The following FBXL17 variants were observed in gnomAD, a reference collection of about 807,000 sequenced individuals.
FBXL17 encodes F-box/LRR-repeat protein 17.
Under a neutral mutation model 66.2 loss-of-function variants are expected in FBXL17, and 22 were observed. The observed-to-expected ratio is 0.33, with a 90% confidence interval of 0.24 to 0.47. The LOEUF (loss-of-function observed/expected upper bound fraction) is 0.47. Ranked by LOEUF, FBXL17 falls within the 20% of genes least tolerant of loss-of-function variation. The probability of loss-of-function intolerance (pLI) is 1.00; values close to 1 mark genes in which losing one functional copy is unlikely to be tolerated. For missense variants in FBXL17, 878 were observed against 948.2 expected (o/e 0.93, Z 0.97); for synonymous variants, 474 against 400.5 (o/e 1.18, Z -2.19).
chr5:108,327,427 A>G (rs938094588), intron 4 of FBXL17, among the ~76,000 whole-genome samples: 1 of 152,232 alleles, frequency 6.6e-6, no homozygotes, highest in African/African-American at 2.4e-5. Flanking sequence ...TACAGATTAT[A>G]TGATGTAGTT....
chr5:108,335,342 T>TA lies in FBXL17; in HGVS notation c.1506+13056dup, dbSNP rs1036576802. Among the ~76,000 whole-genome samples the TA allele has an allele frequency of 3.1e-3, 436 of 140,928 alleles. 3 individuals are homozygous for TA. The highest frequency in any genetic ancestry group is 9.6e-3 in the African/African-American group (370 of 38,604). 92.5% of individuals were successfully genotyped at this position (140,928 alleles called of 152,430 possible). ...ACTTTTAAGGTTAAGACAGTATCTTTAAAAAAAAAAAATACGTTTTTTTTT... is the reference window on the plus strand; with the variant it reads ...ACTTTTAAGGTTAAGACAGTATCTTTAAAAAAAAAAAAATACGTTTTTTTTT... On this transcript the variant is annotated intron_variant, in intron 4 of 8. Transcript: ENST00000542267.
intron 4 of FBXL17, among the ~76,000 whole-genome samples, chr5:108,329,954 C>T (rs1324366045): frequency 6.6e-6 from 1 of 151,956 alleles, no homozygotes; most frequent in African/African-American, 2.4e-5. Context: ...TTAAAAGTTA[C>T]TATAAAATCA....
intron 6 of FBXL17, among the ~76,000 whole-genome samples, chr5:108,121,221 G>A (rs1202565764): frequency 2.0e-5 from 3 of 151,656 alleles, no homozygotes; most frequent in Admixed American, 6.6e-5. Flanking sequence ...CCAGCTACTC[G>A]GGAGGCTGAG....
chr5:108,231,561 G>C (rs1755341905), intron 4 of FBXL17, among the ~76,000 whole-genome samples: 1 of 152,136 alleles, frequency 6.6e-6, no homozygotes, highest in Non-Finnish European at 1.5e-5. Context: ...TGTGCTTCCT[G>C]TTCCCGCAAC....
chr5:108,160,477 T>C (rs1002717615), intron 6 of FBXL17, among the ~76,000 whole-genome samples: 2 of 152,184 alleles, frequency 1.3e-5, no homozygotes, highest in Non-Finnish European at 2.9e-5. Flanking sequence ...AGTTCTCAGT[T>C]AGTAGCTTTG....
intron 7 of FBXL17, among the ~76,000 whole-genome samples, chr5:107,924,040 A>T (rs1446281209): frequency 6.7e-6 from 1 of 150,118 alleles, no homozygotes; most frequent in Non-Finnish European, 1.5e-5. Flanking sequence ...CTGCCTAAAG[A>T]AGTGGCATAT....
chr5:108,099,843 T>C (rs542763425), intron 6 of FBXL17, among the ~76,000 whole-genome samples: 1 of 152,346 alleles, frequency 6.6e-6, no homozygotes, highest in East Asian at 1.9e-4. Flanking sequence ...TCTTTCATTC[T>C]CTTAACTGAC....
intron 7 of FBXL17, among the ~76,000 whole-genome samples, chr5:107,964,252 G>A (rs150588167): frequency 9.0e-4 from 137 of 152,148 alleles, no homozygotes; most frequent in Admixed American, 2.0e-3. Flanking sequence ...GCTTTCATGT[G>A]GTGAGCTGGC....
chr5:108,068,675 T>C (rs1748212621), intron 6 of FBXL17, among the ~76,000 whole-genome samples: 1 of 152,092 alleles, frequency 6.6e-6, no homozygotes, highest in African/African-American at 2.4e-5. Flanking sequence ...GCCAGGATGG[T>C]CTCGATCTCC....
chr5:108,183,645 T>C (rs555201687), intron 6 of FBXL17, among the ~76,000 whole-genome samples: 3 of 152,256 alleles, frequency 2.0e-5, no homozygotes, highest in African/African-American at 4.8e-5. Flanking sequence ...TGGTGAGGTA[T>C]AGGATTTTGG....
intron 6 of FBXL17, among the ~76,000 whole-genome samples, chr5:108,097,745 T>C (rs286818): frequency 1.3e-5 from 2 of 148,914 alleles, no homozygotes; most frequent in East Asian, 2.0e-4. Context: ...GAAAAGATCA[T>C]GCCACCGTAC....
At chr5:107,941,206 G>T (rs766868054) in intron 7 of FBXL17, among the ~76,000 whole-genome samples, 6 of 152,080 alleles carry the variant, frequency 3.9e-5, no homozygotes, top group Admixed American at 6.6e-5. Context: ...GTGCTGAAGG[G>T]TTAAGATACA....
At chr5:108,038,537 C>G (rs1746934124) in intron 6 of FBXL17, among the ~76,000 whole-genome samples, 1 of 151,932 alleles carries the variant, frequency 6.6e-6, no homozygotes, top group African/African-American at 2.4e-5. Flanking sequence ...TGTGAAATTT[C>G]ACAAATTCAT....
chr5:108,196,531 A>G (rs1324071858), intron 5 of FBXL17, among the ~76,000 whole-genome samples: 3 of 152,210 alleles, frequency 2.0e-5, no homozygotes, highest in East Asian at 3.8e-4. Flanking sequence ...GGTCAGGACC[A>G]TGTCTTACTC....
At chr5:108,155,685 A>T (rs1580526615) in intron 6 of FBXL17, among the ~76,000 whole-genome samples, 1 of 152,190 alleles carries the variant, frequency 6.6e-6, no homozygotes, top group East Asian at 1.9e-4. Flanking sequence ...GTGCCTTCCT[A>T]ATTTCTCTAG....
intron 4 of FBXL17, chr5:108,298,102 C>G: frequency 2.1e-6 from 2 of 961,736 alleles, no homozygotes; most frequent in Non-Finnish European, 2.5e-6. Context: ...TTATATTATA[C>G]AATTTTAATT....
chr5:108,168,058 G>C lies in FBXL17; in HGVS notation c.1745+18059C>G, dbSNP rs76947126. Among the ~76,000 whole-genome samples the C allele has an allele frequency of 8.8e-3, 1,345 of 152,232 alleles. 21 individuals are homozygous for C. Among genetic ancestry groups the C allele is most frequent in the African/African-American group, 0.03 (1,228 of 41,538 alleles). On this transcript the variant is annotated intron_variant, in intron 6 of 8. Coordinates refer to ENST00000542267, the MANE Select transcript of FBXL17 (RefSeq NM_001163315.3). ...GAGCTTGTCACATCTGAATCCCAAA[G>C]TTATTCACTTTCCTATTTGTGTGTC...
At chr5:108,195,296 T>G (rs528928320) in intron 5 of FBXL17, among the ~76,000 whole-genome samples, 6 of 152,180 alleles carry the variant, frequency 3.9e-5, no homozygotes, top group African/African-American at 1.4e-4. Context: ...TCAAGGATGA[T>G]CTTACTGAAA....
intron 7 of FBXL17, among the ~76,000 whole-genome samples, chr5:108,002,781 G>T (rs1753786311): frequency 6.6e-6 from 1 of 152,156 alleles, no homozygotes; most frequent in Admixed American, 6.5e-5. Flanking sequence ...TGAATCTCAA[G>T]AAACTTACTA....
Sources: allele counts gnomAD v4.1 joint callset (sites outside exome capture counted in the v4.1 genomes callset), GRCh38; gene constraint gnomAD v4.1.1; transcripts MANE v1.5; gene names NCBI Gene and HGNC (gene_info 2026-07-23, HGNC 2026-07-21).